CFAP95: variants seen among roughly 807,000 people sequenced by gnomAD.
The protein encoded by CFAP95 is cilia- and flagella-associated protein 95.
the CFAP95 span, among the ~76,000 whole-genome samples, chr9:69,822,897 C>T: frequency 1.3e-5 from 2 of 152,208 alleles, no homozygotes; most frequent in Non-Finnish European, 2.9e-5. Flanking sequence ...GTGTCATGCA[C>T]TTTGCTACAT....
At chr9:69,904,316 G>A in the CFAP95 span, among the ~76,000 whole-genome samples, 2 of 152,136 alleles carry the variant, frequency 1.3e-5, no homozygotes, top group African/African-American at 4.8e-5. Flanking sequence ...ATGTGGTTTC[G>A]CTTCTTAGCA....
the CFAP95 span, among the ~76,000 whole-genome samples, chr9:69,832,611 T>A: frequency 1.4e-5 from 2 of 142,964 alleles, no homozygotes; most frequent in Non-Finnish European, 3.1e-5. Context: ...ATAGAAATAG[T>A]CTATTCGGAT....
chr9:69,893,560 G>C, the CFAP95 span, among the ~76,000 whole-genome samples: 1 of 152,054 alleles, frequency 6.6e-6, no homozygotes, highest in African/African-American at 2.4e-5. Context: ...TTTCAGCATA[G>C]ACAGTCTCTT....
the CFAP95 span, among the ~76,000 whole-genome samples, chr9:69,885,936 C>T: frequency 3.3e-5 from 5 of 152,128 alleles, no homozygotes; most frequent in Admixed American, 1.3e-4. Context: ...TTTTGTTTTC[C>T]ACAGTTTCAG....
the CFAP95 span, among the ~76,000 whole-genome samples, chr9:69,846,700 A>G: frequency 6.6e-6 from 1 of 152,196 alleles, no homozygotes; most frequent in Non-Finnish European, 1.5e-5. Context: ...ACACCTTCAC[A>G]TGCCAGGTGT....
chr9:69,845,408 G>A, the CFAP95 span, among the ~76,000 whole-genome samples: 9 of 152,100 alleles, frequency 5.9e-5, no homozygotes, highest in South Asian at 2.1e-4. Flanking sequence ...GAGGGTGGTC[G>A]TACAGGTGAT....
chr9:69,900,425 C>G, the CFAP95 span, among the ~76,000 whole-genome samples: 8 of 152,290 alleles, frequency 5.3e-5, no homozygotes, highest in South Asian at 1.5e-3. Context: ...GTATTTTCTG[C>G]CTGTTCTGTT....
At chr9:69,893,085 A>G in the CFAP95 span, among the ~76,000 whole-genome samples, 30 of 152,334 alleles carry the variant, frequency 2.0e-4, no homozygotes, top group Non-Finnish European at 4.3e-4. Context: ...CCATCTGTGG[A>G]TGGCAAAGCT....
the CFAP95 span, among the ~76,000 whole-genome samples, chr9:69,900,793 G>C: frequency 6.6e-6 from 1 of 152,196 alleles, no homozygotes; most frequent in African/African-American, 2.4e-5. Context: ...GACCATGCTA[G>C]TGAAAGGAAA....
the CFAP95 span, among the ~76,000 whole-genome samples, chr9:69,848,707 C>T: frequency 6.6e-6 from 1 of 152,172 alleles, no homozygotes; most frequent in African/African-American, 2.4e-5. Context: ...GCCAACTGTG[C>T]CCCCTGTTCC....
chr9:69,888,521 C>T, the CFAP95 span, among the ~76,000 whole-genome samples: 1 of 152,052 alleles, frequency 6.6e-6, no homozygotes. Context: ...AAATACTAAA[C>T]AATATGAATT....
the CFAP95 span, among the ~76,000 whole-genome samples, chr9:69,863,335 G>T: frequency 6.6e-6 from 1 of 151,828 alleles, no homozygotes; most frequent in African/African-American, 2.4e-5. Flanking sequence ...ATGTTATATG[G>T]GTAGAGACAG....
the CFAP95 span, among the ~76,000 whole-genome samples, chr9:69,891,030 G>T: frequency 6.6e-6 from 1 of 152,140 alleles, no homozygotes; most frequent in African/African-American, 2.4e-5. Flanking sequence ...TCTCTTGAAA[G>T]TACCTCCATC....
chr9:69,858,514 T>C, the CFAP95 span, among the ~76,000 whole-genome samples: 2 of 152,156 alleles, frequency 1.3e-5, no homozygotes, highest in Non-Finnish European at 2.9e-5. Context: ...AGCAAGAAGG[T>C]TGTGATGTGC....
the CFAP95 span, among the ~76,000 whole-genome samples, chr9:69,821,313 G>A: frequency 6.6e-6 from 1 of 152,120 alleles, no homozygotes; most frequent in African/African-American, 2.4e-5. Flanking sequence ...AGAGAGAGTG[G>A]GAGAGAGGGT....
chr9:69,829,179 A>G, the CFAP95 span, among the ~76,000 whole-genome samples: 1 of 152,196 alleles, frequency 6.6e-6, no homozygotes, highest in Non-Finnish European at 1.5e-5. Context: ...TCCTCAACAT[A>G]CGCACATTAC....
chr9:69,840,658 A>C, the CFAP95 span, among the ~76,000 whole-genome samples: 4 of 152,344 alleles, frequency 2.6e-5, no homozygotes, highest in Non-Finnish European at 5.9e-5. Context: ...CATATAGTAA[A>C]GACATATCTT....
the CFAP95 span, among the ~76,000 whole-genome samples, chr9:69,890,657 C>G: frequency 7.2e-5 from 11 of 152,364 alleles, no homozygotes; most frequent in African/African-American, 2.6e-4. Context: ...GAACACAGTT[C>G]ACCATTCATT....
the CFAP95 span, chr9:69,856,432 A>T: frequency 1.8e-6 from 1 of 543,842 alleles, no homozygotes; most frequent in South Asian, 3.0e-5. Flanking sequence ...TCTATTACTT[A>T]TTTTTAATGT....
Sources: gnomAD v4.1 joint callset for allele counts (sites outside exome capture counted in the v4.1 genomes callset) on GRCh38, gnomAD v4.1.1 for gene constraint, MANE v1.5 for transcripts, NCBI Gene and HGNC (gene_info 2026-07-23, HGNC 2026-07-21) for gene names.